MTCH2: variants seen among roughly 807,000 people sequenced by gnomAD.
MTCH2 encodes the protein mitochondrial carrier 2.
Under a neutral mutation model 50.6 loss-of-function variants are expected in MTCH2, and 25 were observed. The ratio of observed to expected loss-of-function variants is 0.49; its 90% CI spans 0.36 to 0.69. The LOEUF is 0.69. MTCH2 is among the 30% of genes least tolerant of loss of function. The pLI is 0.00. For missense variants in MTCH2, 273 were observed against 384.4 expected (o/e 0.71, Z 2.42); for synonymous variants, 106 against 132.0 (o/e 0.80, Z 1.35).
the MTCH2 span, among the ~76,000 whole-genome samples, chr11:47,608,844 G>C: frequency 6.6e-6 from 1 of 151,364 alleles, no homozygotes; most frequent in African/African-American, 2.4e-5. Flanking sequence ...TGTAGTCCCA[G>C]CTACTTGGGA....
At chr11:47,604,806 T>C in the MTCH2 span, among the ~76,000 whole-genome samples, 1 of 152,162 alleles carries the variant, frequency 6.6e-6, no homozygotes, top group Non-Finnish European at 1.5e-5. Context: ...ATACCACCAT[T>C]TATGTGAAAA....
chr11:47,618,844 T>C lies in MTCH2; in HGVS notation c.901A>G (p.Met301Val). 1 of 1,613,758 alleles carries C rather than the reference T, an allele frequency of 6.2e-7. No individual in the cohort carries two copies. The highest frequency in any genetic ancestry group is 2.2e-5 in the East Asian group (1 of 44,888). The change falls in exon 13 of 13, where the codon ATG becomes GTG. Residue 301 changes from methionine to valine, a missense_variant. Met to Val is a conservative substitution (Grantham distance 21). Around this residue, in one of 2 missense-constraint regions of MTCH2, gnomAD observed 70 missense variants for 140.1 expected, o/e 0.50. Transcript: ENST00000302503. The stretch of plus-strand genomic sequence containing the variant: ...CCTGCCCCACATCTTCAAATTAACA[T>C]TTTCAGGTCACAACAATAAGTCTTC... ...FGKTYCCDLKMLI is the reference protein window; with the variant it reads ...FGKTYCCDLKVLI
downstream of MTCH2, among the ~76,000 whole-genome samples, chr11:47,617,158 C>T (rs1242452496): frequency 6.6e-6 from 1 of 152,140 alleles, no homozygotes; most frequent in East Asian, 1.9e-4. Context: ...TTTGAGCAAT[C>T]CTAGGCCTTG....
At chr11:47,615,131 G>A (rs1398771957), downstream of MTCH2, among the ~76,000 whole-genome samples, 1 of 137,290 alleles carries the variant, frequency 7.3e-6, no homozygotes, top group African/African-American at 2.7e-5. Flanking sequence ...CAACCTCCCA[G>A]GACTCAACCA....
intron 5 of MTCH2, among the ~76,000 whole-genome samples, chr11:47,633,526 A>ATATATATATATATATATATATATATT (rs1378774715): frequency 2.9e-5 from 1 of 35,076 alleles, no homozygotes. Context: ...ATATATATAT[A>ATATATATATATATATATATATATATT]TTTTTTTTTT....
In MTCH2 at chr11:47,618,817, T is replaced by C. The variant is rs758439186; in HGVS notation, c.*16A>G. The C allele has an allele frequency of 6.2e-7, 1 of 1,607,828 alleles. No homozygotes were observed. Among genetic ancestry groups the C allele is most frequent in the Non-Finnish European group, 8.5e-7 (1 of 1,174,240 alleles). ...ATCTGGGACTACAGAAATGTCACTG[T>C]CCCTGCCCCACATCTTCAAATTAAC... On this transcript the variant is annotated 3_prime_UTR_variant, in exon 13 of 13. Transcript: ENST00000302503.
Position 47,631,654 on chromosome 11 carries a change from C to T in MTCH2, c.427G>A (p.Val143Met). Residue 143 changes from valine to methionine, a missense_variant and splice_region_variant, in exon 6 of 13, where the codon GTG becomes ATG. Val to Met is a conservative substitution (Grantham distance 21, BLOSUM62 1). Around this residue, in one of 2 missense-constraint regions of MTCH2, gnomAD observed 203 missense variants for 244.3 expected, o/e 0.83. Transcript: ENST00000302503. ...GGTCAGTTGTCAACTGCAAACATAC[C>T]ATGGAAGGGATGTGTGATGAGGGTA... ...AATLITHPFH[V>M]ITLRSMVQFI... 1 of 1,614,004 alleles carries T rather than the reference C, an allele frequency of 6.2e-7. No homozygotes were observed. Among genetic ancestry groups the T allele is most frequent in the Non-Finnish European group, 8.5e-7 (1 of 1,179,974 alleles).
At chr11:47,629,545 A>T (rs2097301093) in intron 8 of MTCH2, among the ~76,000 whole-genome samples, 1 of 152,128 alleles carries the variant, frequency 6.6e-6, no homozygotes. Flanking sequence ...GCAGCATGGA[A>T]TAGTGGGAAG....
chr11:47,641,563 G>C (rs2097314216), intron 1 of MTCH2, among the ~76,000 whole-genome samples: 1 of 152,200 alleles, frequency 6.6e-6, no homozygotes, highest in South Asian at 2.1e-4. Flanking sequence ...GCCCATTACA[G>C]GGATATAGCA....
intron 5 of MTCH2, among the ~76,000 whole-genome samples, chr11:47,633,526 A>ATT (rs869251946): frequency 1.4e-4 from 5 of 35,076 alleles, no homozygotes; most frequent in African/African-American, 3.3e-4. Flanking sequence ...ATATATATAT[A>ATT]TTTTTTTTTT....
downstream of MTCH2, among the ~76,000 whole-genome samples, chr11:47,612,914 T>C (rs192528794): frequency 4.4e-3 from 667 of 152,166 alleles, 2 homozygotes; most frequent in African/African-American, 0.015. Flanking sequence ...CATGTGACTT[T>C]TTCCTTTAAG....
chr11:47,620,291 AAAAAAAC>A lies in MTCH2; in HGVS notation c.826-1379_826-1373del, dbSNP rs532839670. ...TAAAAGTATAATAATAATAAAATTAAAAAAAACAAAAAACAAAAAACAAAAAAATGAG... is the reference window on the plus strand; with the variant it reads ...TAAAAGTATAATAATAATAAAATTAAAAAAAACAAAAAACAAAAAAATGAG... On this transcript the variant is annotated intron_variant, in intron 12 of 12. Transcript: ENST00000302503. Among the ~76,000 whole-genome samples the A allele has an allele frequency of 4.0e-4, 61 of 152,154 alleles. No homozygotes were observed. In the South Asian group the frequency reaches 5.6e-3, roughly 14 times the overall value.
At chr11:47,622,598 T>C in intron 12 of MTCH2, 103 bp downstream of exon 12, 1 of 896,058 alleles carries the variant, frequency 1.1e-6, no homozygotes, top group East Asian at 2.8e-5. Flanking sequence ...CTAGCTAAAG[T>C]GAGCTACAAG....
chr11:47,631,564 G>A (rs1171464284), intron 6 of MTCH2, 90 bp downstream of exon 6: 1 of 1,255,888 alleles, frequency 8.0e-7, no homozygotes, highest in Non-Finnish European at 1.1e-6. Flanking sequence ...TGCAGGCAAG[G>A]CATTTTAGTC....
At chr11:47,642,321 T>C (rs868095856) in intron 1 of MTCH2, 58 bp downstream of exon 1, 4 of 1,409,724 alleles carry the variant, frequency 2.8e-6, no homozygotes, top group South Asian at 1.3e-5. Context: ...TCAGGCGCCC[T>C]GAGCAGCAGC....
At chr11:47,629,327 CAA>C in intron 8 of MTCH2, 1 of 338,958 alleles carries the variant, frequency 3.0e-6, no homozygotes, top group Non-Finnish European at 5.6e-6. Flanking sequence ...AGCAGGGAGG[CAA>C]AAGATTTGCG....
At position 47,617,395 on chromosome 11, in the gene MTCH2, T is replaced by C. The variant is rs2097289146; in HGVS notation, c.*1438A>G. On this transcript the variant is annotated 3_prime_UTR_variant, in exon 13 of 13. Coordinates refer to ENST00000302503, the MANE Select transcript of MTCH2 (RefSeq NM_014342.4). ...GCAAACATTTTTATATTAAAACAAA[T>C]GCAGATAGTAATATTGAAATAGTAT... 1 of 152,184 alleles carries C rather than the reference T, an allele frequency of 6.6e-6. No individual in the cohort carries two copies. Among genetic ancestry groups the C allele is most frequent in the Non-Finnish European group, 1.5e-5 (1 of 68,034 alleles). The allele number at this position is 152,184 out of a possible 1,614,324, so 9.4% of individuals were successfully genotyped here.
chr11:47,633,835 C>A (rs1232491336), intron 5 of MTCH2, among the ~76,000 whole-genome samples: 1 of 151,842 alleles, frequency 6.6e-6, no homozygotes, highest in African/African-American at 2.4e-5. Flanking sequence ...CTGCGCCCAG[C>A]CTTTGGAATA....
downstream of MTCH2, among the ~76,000 whole-genome samples, chr11:47,614,589 CT>C (rs1015979738): frequency 4.3e-4 from 65 of 152,096 alleles, no homozygotes; most frequent in African/African-American, 1.5e-3. Flanking sequence ...GCCTCAGCCT[CT>C]TTTTTTTCTT....
Sources: allele counts gnomAD v4.1 joint callset (sites outside exome capture counted in the v4.1 genomes callset), GRCh38; gene constraint gnomAD v4.1.1; regional missense constraint gnomAD v4.1.1; transcripts MANE v1.5; gene names NCBI Gene and HGNC (gene_info 2026-07-23, HGNC 2026-07-21).